ARHGEF10: variants seen among roughly 807,000 people sequenced by gnomAD.
ARHGEF10 encodes Rho guanine nucleotide exchange factor (GEF) 10.
A neutral mutation model predicts 147.4 loss-of-function variants in ARHGEF10; 140 were observed. That is an observed-to-expected ratio of 0.95 (90% CI 0.83 to 1.09). The LOEUF is 1.09. Ranked by LOEUF, ARHGEF10 falls within the 50% of genes least tolerant of loss-of-function variation. The pLI, the probability that ARHGEF10 is intolerant of heterozygous loss-of-function variation, is 0.00. For synonymous variants in ARHGEF10, 902 were observed against 695.8 expected (o/e 1.30, Z -4.67); for missense variants, 2,222 against 1,752.7 (o/e 1.27, Z -4.78).
At chr8:1,845,700 C>A (rs1804504469) in intron 2 of ARHGEF10, among the ~76,000 whole-genome samples, 1 of 152,188 alleles carries the variant, frequency 6.6e-6, no homozygotes, top group African/African-American at 2.4e-5. Flanking sequence ...TGCCTGGCAC[C>A]CTGAGGAGCT....
At chr8:1,841,996 CGGCG>C (rs1804116053) in intron 1 of ARHGEF10, among the ~76,000 whole-genome samples, 1 of 69,070 alleles carries the variant, frequency 1.4e-5, no homozygotes, top group Non-Finnish European at 3.1e-5. Context: ...ACTGGGGCCG[CGGCG>C]GGAACTGGGG....
At chr8:1,949,747 A>C (rs1814878685) in intron 27 of ARHGEF10, among the ~76,000 whole-genome samples, 1 of 152,072 alleles carries the variant, frequency 6.6e-6, no homozygotes, top group South Asian at 2.1e-4. Context: ...ATGAAACCGG[A>C]CTCAAGATGG....
intron 17 of ARHGEF10, among the ~76,000 whole-genome samples, chr8:1,907,363 A>G (rs924156594): frequency 6.6e-6 from 1 of 152,202 alleles, no homozygotes; most frequent in Non-Finnish European, 1.5e-5. Flanking sequence ...AAGTTGGCCC[A>G]CACGATGTGT....
chr8:1,857,875 GATC>G, intron 2 of ARHGEF10, 82 bp from the exon 3 acceptor site: 1 of 917,778 alleles, frequency 1.1e-6, no homozygotes. Context: ...AACATAGATC[GATC>G]GATCTATCTA....
intron 2 of ARHGEF10, among the ~76,000 whole-genome samples, chr8:1,851,041 G>C (rs1006510594): frequency 6.6e-6 from 1 of 152,088 alleles, no homozygotes; most frequent in African/African-American, 2.4e-5. Context: ...TTGCGGGGGG[G>C]AGGGGTGACA....
chr8:1,891,202 CT>C (rs1393535765), intron 11 of ARHGEF10, among the ~76,000 whole-genome samples: 1 of 152,154 alleles, frequency 6.6e-6, no homozygotes, highest in Non-Finnish European at 1.5e-5. Context: ...TTTCTGCATT[CT>C]TTCATGCAGC....
rs1026245234 is a variant in ARHGEF10 at position 1,948,793 on chromosome 8, A to G, written c.3397+3138A>G. Among the ~76,000 whole-genome samples, 2 of 152,158 alleles carry G rather than the reference A, an allele frequency of 1.3e-5. No homozygotes were observed. Among genetic ancestry groups the G allele is most frequent in the African/African-American group, 4.8e-5 (2 of 41,454 alleles). On this transcript the variant is annotated intron_variant, in intron 27 of 28. Coordinates refer to ENST00000349830, the MANE Select transcript of ARHGEF10 (RefSeq NM_014629.4). This position sits in a 1 kb window ranked among gnomAD's most constrained non-coding sequence, Gnocchi z 4.9. Reference sequence around the variant, plus strand: ...CATATATTTCATAGAAATAAGCATTATTGCATTTCATGCTGTATTTAGACA... The same window carrying G: ...CATATATTTCATAGAAATAAGCATTGTTGCATTTCATGCTGTATTTAGACA...
At chr8:1,831,422 A>G (rs111341646) in intron 1 of ARHGEF10, among the ~76,000 whole-genome samples, 18 of 140,486 alleles carry the variant, frequency 1.3e-4, no homozygotes, top group East Asian at 2.2e-4. Flanking sequence ...GGCTGTGGAG[A>G]GACAGTGTGA....
chr8:1,883,316 C>T (rs1010659100), intron 10 of ARHGEF10, among the ~76,000 whole-genome samples: 7 of 152,094 alleles, frequency 4.6e-5, no homozygotes, highest in Admixed American at 4.6e-4. Context: ...GAGGAGACTT[C>T]TCGGAGCCTT....
chr8:1,824,686 CCAGCTGTCCCCCGCGCCG>C (rs1417031595), intron 1 of ARHGEF10, among the ~76,000 whole-genome samples: 3 of 110,488 alleles, frequency 2.7e-5, no homozygotes, highest in Admixed American at 9.0e-5. Flanking sequence ...ACCCTGCACC[CCAGCTGTCCCCCGCGCCG>C]CAGCTGTCCC....
intron 1 of ARHGEF10, among the ~76,000 whole-genome samples, chr8:1,841,267 AG>A (rs35365459): frequency 0.61 from 92,195 of 151,934 alleles, 28,135 homozygotes; most frequent in Non-Finnish European, 0.64. Context: ...CTAGGGTAAA[AG>A]TAATCTATGT....
chr8:1,864,960 T>C (rs949458111), intron 5 of ARHGEF10, among the ~76,000 whole-genome samples: 7 of 152,222 alleles, frequency 4.6e-5, no homozygotes, highest in Non-Finnish European at 7.3e-5. Flanking sequence ...AAATGTATTG[T>C]GAAAAATATG....
chr8:1,917,742 C>T (rs1309045369), intron 18 of ARHGEF10, among the ~76,000 whole-genome samples: 4 of 152,130 alleles, frequency 2.6e-5, no homozygotes, highest in Non-Finnish European at 5.9e-5. Flanking sequence ...AACAAAAATT[C>T]TGATTTGCAG....
intron 1 of ARHGEF10, among the ~76,000 whole-genome samples, chr8:1,829,227 C>A (rs979448647): frequency 6.6e-6 from 1 of 152,232 alleles, no homozygotes. Context: ...AGTTAATGAC[C>A]CTCCTGGTTC....
intron 25 of ARHGEF10, among the ~76,000 whole-genome samples, chr8:1,933,050 G>C (rs188306933): frequency 1.1e-3 from 166 of 152,260 alleles, no homozygotes; most frequent in Admixed American, 2.6e-3. Context: ...ATTCAAGGTA[G>C]CAACTCATAC....
chr8:1,884,258 T>C (rs1380345901), intron 10 of ARHGEF10, among the ~76,000 whole-genome samples: 8 of 151,706 alleles, frequency 5.3e-5, no homozygotes, highest in African/African-American at 7.3e-5. Flanking sequence ...TAGCTGGGCG[T>C]GGTGGCGGGT....
At chr8:1,907,370 G>A (rs567314024) in intron 17 of ARHGEF10, among the ~76,000 whole-genome samples, 3 of 152,328 alleles carry the variant, frequency 2.0e-5, no homozygotes, top group African/African-American at 4.8e-5. Context: ...CCCACACGAT[G>A]TGTCAAGTTG....
At chr8:1,833,130 GCAGAGGCAGAGACAGAAGCAGAGA>G (rs1803340576) in intron 1 of ARHGEF10, among the ~76,000 whole-genome samples, 3 of 2,940 alleles carry the variant, frequency 1.0e-3, no homozygotes, top group Non-Finnish European at 2.2e-3. Context: ...AGAGACAGAG[GCAGAGGCAGAGACAGAAGCAGAGA>G]CAGAGGCAGA....
In ARHGEF10 at chr8:1,869,196, C is replaced by G. The variant is rs545402502; in HGVS notation, c.625C>G (p.Pro209Ala). The change falls in exon 7 of 29, where the codon CCA becomes GCA. Residue 209 changes from proline (P) to alanine (A), a missense_variant and splice_region_variant. Pro to Ala is a conservative substitution (Grantham distance 27, BLOSUM62 -1). Coordinates refer to ENST00000349830, the MANE Select transcript of ARHGEF10 (RefSeq NM_014629.4). ...GTGTTTCTCCCCGTTTATTGCAGAT[C>G]CAGAGGAAGCAATTTACGATGACGT... ...DPANTAWMEN[P>A]EEAIYDDVPR... 3.1e-6 allele frequency: 5 copies of G among 1,613,564 alleles called. No homozygotes were observed. The South Asian group carries it at 5.5e-5, about 18-fold the overall frequency.
Sources: gnomAD v4.1 joint callset for allele counts (sites outside exome capture counted in the v4.1 genomes callset) on GRCh38, gnomAD v4.1.1 for gene constraint, Gnocchi (gnomAD v3.1) non-coding constraint, MANE v1.5 for transcripts, NCBI Gene and HGNC (gene_info 2026-07-23, HGNC 2026-07-21) for gene names.